The following MCC variants were observed in gnomAD, a reference collection of about 807,000 sequenced individuals.
MCC encodes colorectal mutant cancer protein.
In MCC, 90 loss-of-function variants were observed where a neutral mutation model predicts 116.2. The observed-to-expected ratio is 0.77, with a 90% CI of 0.65 to 0.92. The LOEUF (loss-of-function observed/expected upper bound fraction) is 0.92, where lower values mean the gene tolerates loss of function less well. Ranked by LOEUF, MCC falls within the 40% of genes least tolerant of loss-of-function variation. MCC has a pLI of 0.00. For missense variants in MCC, 1,516 were observed against 1,312.2 expected (o/e 1.16, Z -2.40); for synonymous variants, 578 against 510.5 (o/e 1.13, Z -1.78).
chr5:113,152,950 C>T (rs942032093), intron 3 of MCC, among the ~76,000 whole-genome samples: 5 of 152,084 alleles, frequency 3.3e-5, no homozygotes, highest in African/African-American at 4.8e-5. Flanking sequence ...TTTTGTGTGA[C>T]GACTTCTCAG....
At chr5:113,318,097 T>G (rs1767331709) in intron 3 of MCC, among the ~76,000 whole-genome samples, 1 of 152,242 alleles carries the variant, frequency 6.6e-6, no homozygotes, top group Non-Finnish European at 1.5e-5. Context: ...AGTTTTGTGG[T>G]GTAGATTAGA....
chr5:113,231,453 T>C (rs2150334558), intron 3 of MCC, among the ~76,000 whole-genome samples: 1 of 152,318 alleles, frequency 6.6e-6, no homozygotes, highest in South Asian at 2.1e-4. Flanking sequence ...CAAGTTACAA[T>C]GAAAGAGACC....
At chr5:113,121,946 A>C (rs75097167) in intron 6 of MCC, among the ~76,000 whole-genome samples, 4,972 of 152,320 alleles carry the variant, frequency 0.033, 269 homozygotes, top group African/African-American at 0.11. Flanking sequence ...AGGCAAGACC[A>C]GTAGTTTTGT....
chr5:113,356,916 C>T lies in MCC; in HGVS notation c.416-16186G>A, dbSNP rs902370023. ...TATTATCTTTGGTCCTACCAATAGCCTATGAATTGCCACAACATTTTTCCC... is the reference window on the plus strand; with the variant it reads ...TATTATCTTTGGTCCTACCAATAGCTTATGAATTGCCACAACATTTTTCCC... On this transcript the variant is annotated intron_variant, in intron 2 of 18. Transcript: ENST00000408903. 2.6e-5 allele frequency among the ~76,000 whole-genome samples: 4 copies of T among 152,318 alleles called. No homozygotes were observed. In the South Asian group the frequency reaches 8.3e-4, roughly 32 times the overall value.
At chr5:113,373,145 C>T (rs1474676732) in intron 2 of MCC, among the ~76,000 whole-genome samples, 2 of 151,248 alleles carry the variant, frequency 1.3e-5, no homozygotes, top group African/African-American at 2.4e-5. Context: ...CGCCACTGCA[C>T]TCCAGCCTGG....
At chr5:113,071,423 A>C (rs1463260974) in intron 11 of MCC, among the ~76,000 whole-genome samples, 189 bp from the exon 12 acceptor site, 1 of 152,204 alleles carries the variant, frequency 6.6e-6, no homozygotes, top group Non-Finnish European at 1.5e-5. Context: ...GTGAATTACA[A>C]ATAAAAAATA....
chr5:113,433,326 C>T, intron 1 of MCC: 1 of 331,414 alleles, frequency 3.0e-6, no homozygotes, highest in South Asian at 2.8e-5. Context: ...GGTCTGGCCT[C>T]CCAGCAGGGT....
At chr5:113,231,252 TAAG>T (rs1763932409) in intron 3 of MCC, among the ~76,000 whole-genome samples, 1 of 152,132 alleles carries the variant, frequency 6.6e-6, no homozygotes, top group Non-Finnish European at 1.5e-5. Context: ...CCTTTTACCA[TAAG>T]AAGAGAGTTT....
Position 113,025,282 on chromosome 5 carries a change from A to G in MCC, c.*2020T>C, listed in dbSNP as rs1750458245. 6.6e-6 allele frequency: 1 copy of G among 151,420 alleles called. No homozygotes were observed. Among genetic ancestry groups the G allele is most frequent in the African/African-American group, 2.4e-5 (1 of 41,178 alleles). The allele number at this position is 151,420 out of a possible 1,614,324, so 9.4% of individuals were successfully genotyped here. A position where few individuals can be genotyped will look rare whatever the true frequency, so the allele number is the denominator to read the frequency against. On this transcript the variant is annotated 3_prime_UTR_variant, in exon 19 of 19. Transcript: ENST00000408903. ...GGGGCATATGTTTTTCAGCCAAAACATTTTCCTCATGATAAAATGCAACTT... is the reference window on the plus strand; with the variant it reads ...GGGGCATATGTTTTTCAGCCAAAACGTTTTCCTCATGATAAAATGCAACTT...
intron 8 of MCC, chr5:113,101,402 C>A (rs1017889511): frequency 1.1e-4 from 21 of 190,302 alleles, no homozygotes; most frequent in Non-Finnish European, 2.2e-4. Context: ...TTTTCAAATT[C>A]TAAAGACTAT....
At chr5:113,364,238 G>GAAAAAAAAAAAAAAAAAAAAACCAAAA (rs1768626337) in intron 2 of MCC, among the ~76,000 whole-genome samples, 1 of 49,422 alleles carries the variant, frequency 2.0e-5, no homozygotes, top group Admixed American at 3.3e-4. Context: ...CTCAAAAACA[G>GAAAAAAAAAAAAAAAAAAAAACCAAAA]AAAAAAAAAA....
intron 16 of MCC, among the ~76,000 whole-genome samples, chr5:113,046,751 C>G (rs1205823286): frequency 4.2e-5 from 6 of 144,238 alleles, no homozygotes; most frequent in African/African-American, 1.3e-4. Flanking sequence ...ACCTCATCTT[C>G]CCGAGCCCCA....
intron 16 of MCC, among the ~76,000 whole-genome samples, chr5:113,043,894 A>T (rs1002009566): frequency 6.6e-6 from 1 of 152,246 alleles, no homozygotes; most frequent in African/African-American, 2.4e-5. Flanking sequence ...GATGCCAGGC[A>T]CTGGTCTAAG....
chr5:113,278,336 T>G (rs1204283714), intron 3 of MCC, among the ~76,000 whole-genome samples: 2 of 152,176 alleles, frequency 1.3e-5, no homozygotes, highest in Non-Finnish European at 2.9e-5. Flanking sequence ...AAGTGAATGC[T>G]GAGGGTCAGG....
At chr5:113,439,764 T>C (rs903231698) in intron 1 of MCC, among the ~76,000 whole-genome samples, 2 of 152,218 alleles carry the variant, frequency 1.3e-5, no homozygotes, top group African/African-American at 4.8e-5. Context: ...CATGGGATTG[T>C]TGCAAGGATC....
chr5:113,099,290 C>T (rs1339375773), intron 8 of MCC, among the ~76,000 whole-genome samples: 4 of 152,108 alleles, frequency 2.6e-5, no homozygotes, highest in Non-Finnish European at 2.9e-5. Context: ...TAAAAGGTAA[C>T]AGATGTGACT....
rs368408196 is a variant in MCC at position 113,114,041 on chromosome 5, C to A, written c.1027+8643G>T. On this transcript the variant is annotated intron_variant, in intron 6 of 18. Transcript: ENST00000408903. ...CTTCTTAAAAGGTTTACACATATGCCTTTAGGGGGTGAAGCATCATGGCAT... is the reference window on the plus strand; with the variant it reads ...CTTCTTAAAAGGTTTACACATATGCATTTAGGGGGTGAAGCATCATGGCAT... 9.7e-4 allele frequency among the ~76,000 whole-genome samples: 138 copies of A among 142,380 alleles called. 3 individuals are homozygous for A. The highest frequency in any genetic ancestry group is 4.0e-3 in the African/African-American group (132 of 32,976). 93.4% of individuals were successfully genotyped at this position (142,380 alleles called of 152,430 possible). A position where few individuals can be genotyped will look rare whatever the true frequency, so the allele number is the denominator to read the frequency against.
chr5:113,124,483 ATGC>A (rs751116092), intron 5 of MCC, among the ~76,000 whole-genome samples: 17 of 152,212 alleles, frequency 1.1e-4, no homozygotes, highest in African/African-American at 4.1e-4. Context: ...CAAGTGATAA[ATGC>A]TGCTGCTGTT....
intron 2 of MCC, among the ~76,000 whole-genome samples, chr5:113,380,827 G>T (rs887480877): frequency 2.0e-5 from 3 of 152,202 alleles, no homozygotes; most frequent in African/African-American, 7.2e-5. Context: ...GAGACAGGCT[G>T]AGTTTGCTAA....
Sources: gnomAD v4.1 joint callset for allele counts (sites outside exome capture counted in the v4.1 genomes callset) on GRCh38, gnomAD v4.1.1 for gene constraint, MANE v1.5 for transcripts, NCBI Gene and HGNC (gene_info 2026-07-23, HGNC 2026-07-21) for gene names.